The following ZDHHC20 variants were observed in gnomAD, a reference collection of about 807,000 sequenced individuals.
The protein encoded by ZDHHC20 is palmitoyltransferase ZDHHC20.
In ZDHHC20, 43 loss-of-function variants were observed where a neutral mutation model predicts 57.8. The observed-to-expected ratio is 0.74, with a 90% CI of 0.58 to 0.96. ZDHHC20 has a LOEUF of 0.96. Ranked by LOEUF, ZDHHC20 falls within the 40% of genes least tolerant of loss-of-function variation. The probability of loss-of-function intolerance (pLI) is 0.00; values close to 1 mark genes in which losing one functional copy is unlikely to be tolerated. For missense variants in ZDHHC20, 391 were observed against 441.1 expected (o/e 0.89, Z 1.02); for synonymous variants, 157 against 153.0 (o/e 1.03, Z -0.19).
At chr13:21,436,221 T>C (rs1224364498) in intron 1 of ZDHHC20, among the ~76,000 whole-genome samples, 1 of 152,250 alleles carries the variant, frequency 6.6e-6, no homozygotes, top group African/African-American at 2.4e-5. Context: ...TAGCACACAC[T>C]ACCTTGGGTG....
intron 1 of ZDHHC20, among the ~76,000 whole-genome samples, chr13:21,448,436 C>T (rs1235512437): frequency 1.1e-4 from 10 of 91,822 alleles, no homozygotes; most frequent in Admixed American, 2.0e-4. Context: ...GCCCCCCGCC[C>T]GGCCAGCCGC....
chr13:21,457,152 G>T (rs1884995807), intron 1 of ZDHHC20, among the ~76,000 whole-genome samples: 4 of 152,188 alleles, frequency 2.6e-5, no homozygotes, highest in Admixed American at 2.6e-4. Context: ...AGTGGTGAAA[G>T]AAATCAGAAG....
intron 4 of ZDHHC20, among the ~76,000 whole-genome samples, chr13:21,410,773 C>T (rs1257175407): frequency 6.6e-6 from 1 of 152,214 alleles, no homozygotes; most frequent in East Asian, 1.9e-4. Flanking sequence ...GAATTTCAAG[C>T]CAGTGGATCT....
chr13:21,399,886 G>A (rs1217456215), intron 7 of ZDHHC20, among the ~76,000 whole-genome samples: 1 of 152,036 alleles, frequency 6.6e-6, no homozygotes, highest in Non-Finnish European at 1.5e-5. Context: ...TTGTATAGAT[G>A]TGTCATAGTT....
intron 3 of ZDHHC20, among the ~76,000 whole-genome samples, chr13:21,416,422 G>T (rs1879986064): frequency 6.6e-6 from 1 of 152,094 alleles, no homozygotes; most frequent in Admixed American, 6.6e-5. Context: ...TAAATTCAGT[G>T]TTCAGACAGT....
intron 7 of ZDHHC20, among the ~76,000 whole-genome samples, chr13:21,399,710 CATATACAAATAT>C (rs1593206990): frequency 6.6e-6 from 1 of 152,144 alleles, no homozygotes; most frequent in Non-Finnish European, 1.5e-5. Context: ...CCAGATAAAA[CATATACAAATAT>C]ATATACATGT....
chr13:21,444,220 G>A, intron 1 of ZDHHC20, among the ~76,000 whole-genome samples: 1 of 152,132 alleles, frequency 6.6e-6, no homozygotes, highest in East Asian at 1.9e-4. Context: ...CACCTCCCTG[G>A]TTTCACGTTA....
intron 9 of ZDHHC20, among the ~76,000 whole-genome samples, chr13:21,387,259 CTTATT>C: frequency 6.6e-6 from 1 of 151,982 alleles, no homozygotes; most frequent in Non-Finnish European, 1.5e-5. Flanking sequence ...AAGAAAAAAT[CTTATT>C]TTTTTAGTGA....
intron 1 of ZDHHC20, among the ~76,000 whole-genome samples, chr13:21,440,401 A>G (rs1328817392): frequency 6.6e-6 from 1 of 152,128 alleles, no homozygotes; most frequent in Admixed American, 6.5e-5. Flanking sequence ...ACCTGAGGTC[A>G]GGAGTTTGAG....
chr13:21,439,061 C>T (rs1882853546), intron 1 of ZDHHC20, among the ~76,000 whole-genome samples: 1 of 152,172 alleles, frequency 6.6e-6, no homozygotes, highest in Non-Finnish European at 1.5e-5. Context: ...AAACCAAAAA[C>T]TTGTATGACT....
chr13:21,414,816 T>A (rs1199016073), intron 3 of ZDHHC20, among the ~76,000 whole-genome samples: 1 of 152,032 alleles, frequency 6.6e-6, no homozygotes, highest in East Asian at 1.9e-4. Context: ...ATCTCAAGGA[T>A]CCTAAGTTTT....
chr13:21,395,563 G>T (rs1217738948), intron 7 of ZDHHC20, among the ~76,000 whole-genome samples: 1 of 141,584 alleles, frequency 7.1e-6, no homozygotes, highest in Non-Finnish European at 1.5e-5. Context: ...GGCGTGATCC[G>T]TGATCTTGGC....
intron 1 of ZDHHC20, among the ~76,000 whole-genome samples, chr13:21,441,360 T>C (rs1347605748): frequency 6.6e-6 from 1 of 151,706 alleles, no homozygotes; most frequent in Non-Finnish European, 1.5e-5. Flanking sequence ...CAGATATGGA[T>C]AGTTCTCTTC....
chr13:21,387,099 T>C (rs1874673827), intron 9 of ZDHHC20, among the ~76,000 whole-genome samples: 1 of 152,140 alleles, frequency 6.6e-6, no homozygotes, highest in Non-Finnish European at 1.5e-5. Flanking sequence ...TCATTTACAT[T>C]TGGGGTAAAA....
chr13:21,428,984 C>T (rs1881612567), intron 1 of ZDHHC20, among the ~76,000 whole-genome samples: 1 of 152,154 alleles, frequency 6.6e-6, no homozygotes, highest in Non-Finnish European at 1.5e-5. Context: ...ATTTTTCAAT[C>T]TTGTCAATGA....
At chr13:21,434,804 A>G (rs1056752764) in intron 1 of ZDHHC20, among the ~76,000 whole-genome samples, 2 of 151,658 alleles carry the variant, frequency 1.3e-5, no homozygotes, top group East Asian at 3.9e-4. Context: ...GCATTGCACA[A>G]TATTCCGTTG....
In ZDHHC20 at chr13:21,405,618, G is replaced by A. The variant is rs780058214; in HGVS notation, c.371-2752C>T. ...TTTCTGATTGATGAGCAATGTGTAG[G>A]AGGTACTTAGCTGCTAGACTGAAAA... On this transcript the variant is annotated intron_variant, in intron 4 of 12. Transcript: ENST00000400590. Among the ~76,000 whole-genome samples, 89 of 152,136 alleles carry A rather than the reference G, an allele frequency of 5.9e-4. 1 individual carries two copies. The highest frequency in any genetic ancestry group is 7.9e-4 in the Admixed American group (12 of 15,272).
At chr13:21,435,923 C>G (rs1317206063) in intron 1 of ZDHHC20, among the ~76,000 whole-genome samples, 1 of 152,164 alleles carries the variant, frequency 6.6e-6, no homozygotes, top group African/African-American at 2.4e-5. Flanking sequence ...TATAATTGGG[C>G]TAAGGGAGCA....
At chr13:21,409,040 G>A (rs1220125105) in intron 4 of ZDHHC20, among the ~76,000 whole-genome samples, 2 of 152,192 alleles carry the variant, frequency 1.3e-5, no homozygotes, top group African/African-American at 4.8e-5. Flanking sequence ...TCACATTGAT[G>A]TTCATCAGGG....
Sources: allele counts gnomAD v4.1 joint callset (sites outside exome capture counted in the v4.1 genomes callset), GRCh38; gene constraint gnomAD v4.1.1; transcripts MANE v1.5; gene names NCBI Gene and HGNC (gene_info 2026-07-23, HGNC 2026-07-21).